Variants in ACOT12 observed in about 807,000 individuals in gnomAD.
The protein encoded by ACOT12 is acetyl-coenzyme A thioesterase.
In ACOT12, 51 loss-of-function variants were observed where a neutral mutation model predicts 67.7. That is an observed-to-expected ratio of 0.75 (90% CI 0.60 to 0.95). The LOEUF (loss-of-function observed/expected upper bound fraction) is 0.95, where lower values mean the gene tolerates loss of function less well. ACOT12 is among the 40% of genes least tolerant of loss of function. The pLI is 0.00. For missense variants in ACOT12, 734 were observed against 708.1 expected, an observed-to-expected ratio of 1.04 and a Z score of -0.41; for synonymous variants, 251 against 244.6, an observed-to-expected ratio of 1.03 and a Z score of -0.24.
the ACOT12 span, among the ~76,000 whole-genome samples, chr5:81,318,043 T>C: frequency 2.0e-5 from 3 of 151,990 alleles, no homozygotes; most frequent in Non-Finnish European, 4.4e-5. Flanking sequence ...GCACCATGCC[T>C]GGCTAATTTA....
chr5:81,331,015 C>G, intron 13 of ACOT12, 75 bp from the exon 14 acceptor site: 1 of 1,449,290 alleles, frequency 6.9e-7, no homozygotes, highest in Admixed American at 2.6e-5. Flanking sequence ...TATAGTTAAC[C>G]CAATTTACTT....
Position 81,393,996 on chromosome 5 carries a change from C to A in ACOT12, c.119G>T (p.Cys40Phe). ...QLLKWIDTTA[C>F]LAAEKHAGVS... ...CCCCGGCGCCCGCCTACCCGCCAGG[C>A]AGGCGGTGGTGTCGATCCACTTGAG... is the stretch of plus-strand genomic sequence containing the variant. Residue 40 changes from cysteine (C) to phenylalanine (F), a missense_variant, in exon 1 of 15, where the codon TGC (cysteine) becomes TTC (phenylalanine). By Grantham distance (205) the Cys-to-Phe change is radical. Transcript: ENST00000307624. 3 of 1,389,112 alleles carry A rather than the reference C, an allele frequency of 2.2e-6. No homozygotes were observed. The highest frequency in any genetic ancestry group is 3.1e-5 in the Admixed American group (1 of 31,784). The allele number at this position is 1,389,112 out of a possible 1,614,324, so 86.0% of individuals were successfully genotyped here. A position where few individuals can be genotyped will look rare whatever the true frequency, so the allele number is the denominator to read the frequency against.
the ACOT12 span, among the ~76,000 whole-genome samples, chr5:81,320,111 C>G: frequency 6.6e-6 from 1 of 152,090 alleles, no homozygotes; most frequent in Non-Finnish European, 1.5e-5. Flanking sequence ...AAAATACACC[C>G]CCAAAATGTG....
chr5:81,331,417 A>G (rs934450293), intron 13 of ACOT12, among the ~76,000 whole-genome samples: 6 of 152,180 alleles, frequency 3.9e-5, no homozygotes, highest in Non-Finnish European at 8.8e-5. Flanking sequence ...CATGCCTGTA[A>G]TCCCAGCTAC....
At chr5:81,326,975 A>G (rs939160001), downstream of ACOT12, among the ~76,000 whole-genome samples, 5 of 152,144 alleles carry the variant, frequency 3.3e-5, no homozygotes, top group Non-Finnish European at 5.9e-5. Context: ...TCTAAATCAC[A>G]AGACTTATTC....
intron 5 of ACOT12, among the ~76,000 whole-genome samples, chr5:81,356,073 A>G (rs371506425): frequency 2.6e-5 from 4 of 151,810 alleles, no homozygotes; most frequent in African/African-American, 9.7e-5. Context: ...ATCCTTGTAC[A>G]TGTGCTTCAA....
intron 5 of ACOT12, among the ~76,000 whole-genome samples, chr5:81,351,642 A>G (rs1293261317): frequency 6.6e-6 from 1 of 152,226 alleles, no homozygotes; most frequent in Non-Finnish European, 1.5e-5. Flanking sequence ...ACCTCAAACT[A>G]TAAAACCATT....
intron 10 of ACOT12, 38 bp downstream of exon 10, chr5:81,343,780 G>C: frequency 6.2e-7 from 1 of 1,602,312 alleles, no homozygotes; most frequent in Admixed American, 1.7e-5. Context: ...GTAATGATGA[G>C]ACTTTTATAT....
At chr5:81,370,583 T>G (rs2153856053) in intron 3 of ACOT12, among the ~76,000 whole-genome samples, 1 of 152,142 alleles carries the variant, frequency 6.6e-6, no homozygotes, top group African/African-American at 2.4e-5. Context: ...AAGGCAGAGA[T>G]CGGGTGATGC....
intron 11 of ACOT12, among the ~76,000 whole-genome samples, chr5:81,342,234 T>C (rs1390297489): frequency 1.3e-5 from 2 of 152,168 alleles, no homozygotes; most frequent in African/African-American, 4.8e-5. Context: ...CAAGGGATCC[T>C]CCTGCCTTGG....
intron 7 of ACOT12, 42 bp downstream of exon 7, chr5:81,345,843 C>T (rs777168446): frequency 1.2e-6 from 2 of 1,608,878 alleles, no homozygotes; most frequent in Non-Finnish European, 1.7e-6. Flanking sequence ...TACATTTGTG[C>T]AAGTTTAAAT....
chr5:81,317,887 ATTT>A, the ACOT12 span, among the ~76,000 whole-genome samples: 7 of 134,766 alleles, frequency 5.2e-5, no homozygotes, highest in Non-Finnish European at 6.3e-5. Context: ...TAGGTTCACA[ATTT>A]TTTTTTTTTT....
In ACOT12 at chr5:81,371,768, T is replaced by C; in HGVS notation, c.240A>G (p.Ala80=). Residue 80 remains alanine (A), a synonymous_variant, in exon 3 of 15, where the codon GCA becomes GCG. Coordinates refer to ENST00000307624, the MANE Select transcript of ACOT12 (RefSeq NM_130767.3). ...VITIKAKVTR[A]FSTSMEISIK... ...CTCTTACCTCCATGCTTGTGCTGAA[T>C]GCTCTAGTAACTTTTGCTTTGATGG... is the stretch of plus-strand genomic sequence containing the variant. 6.2e-7 allele frequency: 1 copy of C among 1,614,156 alleles called. No individual in the cohort carries two copies. The highest frequency in any genetic ancestry group is 8.5e-7 in the Non-Finnish European group (1 of 1,180,002).
At position 81,373,172 on chromosome 5, in the gene ACOT12, A is replaced by G. The variant is rs925789645; in HGVS notation, c.198-1362T>C. ...CATTTCCAAATGAGGTACCCAGTTC[A>G]TCTCATTGAGACTGGTTGGACAGTG... is the stretch of plus-strand genomic sequence containing the variant. On this transcript the variant is annotated intron_variant, in intron 2 of 14. Transcript: ENST00000307624. Among the ~76,000 whole-genome samples the G allele has an allele frequency of 3.3e-5, 5 of 152,166 alleles. No homozygotes were observed. In the East Asian group the frequency reaches 7.7e-4, roughly 23 times the overall value.
intron 1 of ACOT12, among the ~76,000 whole-genome samples, chr5:81,389,567 A>C (rs1010549593): frequency 1.3e-5 from 2 of 152,128 alleles, no homozygotes; most frequent in Non-Finnish European, 2.9e-5. Flanking sequence ...TCACTCTGTC[A>C]TCCAGGCTGG....
chr5:81,393,953 TCCCGCGCCTCCCCGCAGCCCCGGC>T lies in ACOT12; in HGVS notation c.127+11_127+34del. Reference sequence around the variant, plus strand: ...GCCGCCGCCGCTCCCGCAGCCCCGGTCCCGCGCCTCCCCGCAGCCCCGGCGCCCGCCTACCCGCCAGGCAGGCGG... The same window carrying T: ...GCCGCCGCCGCTCCCGCAGCCCCGGTGCCCGCCTACCCGCCAGGCAGGCGG... On this transcript the variant is annotated intron_variant, in intron 1 of 14. Transcript: ENST00000307624. The T allele has an allele frequency of 7.7e-7, 1 of 1,305,354 alleles. No homozygotes were observed. Among genetic ancestry groups the T allele is most frequent in the Non-Finnish European group, 9.7e-7 (1 of 1,032,944 alleles). The allele number at this position is 1,305,354 out of a possible 1,614,324, so 80.9% of individuals were successfully genotyped here. A position where few individuals can be genotyped will look rare whatever the true frequency, so the allele number is the denominator to read the frequency against.
At chr5:81,378,751 A>G (rs1760493044) in intron 2 of ACOT12, among the ~76,000 whole-genome samples, 1 of 152,254 alleles carries the variant, frequency 6.6e-6, no homozygotes, top group Non-Finnish European at 1.5e-5. Context: ...ATCACTGGTT[A>G]TTAGAGAAAT....
At chr5:81,349,893 A>T (rs376529461) in intron 5 of ACOT12, among the ~76,000 whole-genome samples, 7 of 152,150 alleles carry the variant, frequency 4.6e-5, no homozygotes, top group African/African-American at 1.7e-4. Flanking sequence ...GAGAGTCCCC[A>T]CTGGTCCCCA....
At chr5:81,332,796 G>T (rs528346021) in intron 12 of ACOT12, among the ~76,000 whole-genome samples, 191 bp from the exon 13 acceptor site, 39 of 152,232 alleles carry the variant, frequency 2.6e-4, no homozygotes, top group African/African-American at 8.4e-4. Flanking sequence ...AGGCACAGTG[G>T]CTCATGCCTG....
Sources: gnomAD v4.1 joint callset for allele counts (sites outside exome capture counted in the v4.1 genomes callset) on GRCh38, gnomAD v4.1.1 for gene constraint, MANE v1.5 for transcripts, NCBI Gene and HGNC (gene_info 2026-07-23, HGNC 2026-07-21) for gene names.